LINGO2: variants seen among roughly 807,000 people sequenced by gnomAD.
The protein encoded by LINGO2 is leucine rich repeat and Ig domain containing 2.
Under a neutral mutation model 30.6 loss-of-function variants are expected in LINGO2, and 14 were observed. The ratio of observed to expected loss-of-function variants is 0.46; its 90% CI spans 0.30 to 0.72. The LOEUF (loss-of-function observed/expected upper bound fraction) is 0.72, where lower values mean the gene tolerates loss of function less well. Among genes scored for constraint, LINGO2 ranks in the 30% least tolerant of loss-of-function variants. LINGO2 has a pLI of 0.07. For missense variants in LINGO2, 729 were observed against 751.7 expected (o/e 0.97, Z 0.35); for synonymous variants, 317 against 288.5 (o/e 1.10, Z -1.00).
chr9:28,769,494 ATATATATATATATATATATATATATT>A, the LINGO2 span, among the ~76,000 whole-genome samples: 1 of 16,262 alleles, frequency 6.1e-5, no homozygotes. Flanking sequence ...ATATATATAT[ATATATATATATATATATATATATATT>A]TTTTTTTTTT....
the LINGO2 span, among the ~76,000 whole-genome samples, chr9:29,200,611 C>G: frequency 6.6e-6 from 1 of 152,022 alleles, no homozygotes; most frequent in Admixed American, 6.6e-5. Context: ...ACGTTACACC[C>G]AGTTTTTCCT....
At chr9:28,770,310 G>A in the LINGO2 span, among the ~76,000 whole-genome samples, 1 of 152,138 alleles carries the variant, frequency 6.6e-6, no homozygotes, top group South Asian at 2.1e-4. Flanking sequence ...TGTCTTCCAG[G>A]GAATACCTTT....
chr9:29,179,158 A>AATATATATAT, the LINGO2 span, among the ~76,000 whole-genome samples: 137 of 101,610 alleles, frequency 1.3e-3, 1 homozygote, highest in African/African-American at 1.8e-3. Context: ...TCTTACTGTA[A>AATATATATAT]ATATATATAT....
chr9:28,477,292 T>C (rs911562616), intron 1 of LINGO2, among the ~76,000 whole-genome samples: 18 of 152,134 alleles, frequency 1.2e-4, no homozygotes, highest in African/African-American at 4.3e-4. Context: ...TCTAATTTAA[T>C]ATTTACAAAA....
chr9:29,012,495 C>T, the LINGO2 span, among the ~76,000 whole-genome samples: 1 of 152,154 alleles, frequency 6.6e-6, no homozygotes, highest in Non-Finnish European at 1.5e-5. Flanking sequence ...CATTTAACCT[C>T]TACAGCAGAA....
intron 2 of LINGO2, among the ~76,000 whole-genome samples, chr9:28,448,312 TAAAC>T (rs1459998737): frequency 3.3e-5 from 5 of 152,144 alleles, no homozygotes; most frequent in Admixed American, 6.6e-5. Context: ...TACTAAAAGT[TAAAC>T]AACAGCATAT....
At chr9:28,920,981 G>A in the LINGO2 span, among the ~76,000 whole-genome samples, 1 of 152,040 alleles carries the variant, frequency 6.6e-6, no homozygotes, top group Non-Finnish European at 1.5e-5. Flanking sequence ...AAAAATATAT[G>A]CATTTTTAGG....
rs1305774085 is a variant in LINGO2, at chr9:28,443,122, A to G, written c.-279+32818T>C. Among the ~76,000 whole-genome samples the G allele has an allele frequency of 2.0e-5, 3 of 152,210 alleles. No individual in the cohort carries two copies. In the East Asian group the frequency reaches 5.8e-4, roughly 29 times the overall value. On this transcript the variant is annotated intron_variant, in intron 2 of 5. Coordinates refer to ENST00000379992, the Ensembl canonical transcript of LINGO2. ...GAAGAGGAAAAATGACGTAATAGGA[A>G]AAAGGAAGTTATGCTTTTATACCAA... is the stretch of plus-strand genomic sequence containing the variant.
At chr9:29,099,545 T>A in the LINGO2 span, among the ~76,000 whole-genome samples, 1 of 151,998 alleles carries the variant, frequency 6.6e-6, no homozygotes, top group African/African-American at 2.4e-5. Flanking sequence ...TGAAAAAAAA[T>A]TAATAATCCA....
chr9:29,134,709 T>C, the LINGO2 span, among the ~76,000 whole-genome samples: 1 of 152,130 alleles, frequency 6.6e-6, no homozygotes, highest in Non-Finnish European at 1.5e-5. Flanking sequence ...GCCATTCTCT[T>C]ATTGTATGTT....
chr9:28,166,507 C>T (rs1317891754), intron 4 of LINGO2, among the ~76,000 whole-genome samples: 2 of 152,134 alleles, frequency 1.3e-5, no homozygotes, highest in Non-Finnish European at 2.9e-5. Context: ...CTTGAGAATG[C>T]TTTATGGTAT....
At chr9:28,004,851 C>CT (rs1295053223) in intron 5 of LINGO2, among the ~76,000 whole-genome samples, 2 of 152,108 alleles carry the variant, frequency 1.3e-5, no homozygotes, top group African/African-American at 4.8e-5. Flanking sequence ...CGGCAGGGAT[C>CT]TCTGTTTTGG....
At chr9:28,089,205 T>C (rs1826002635) in intron 4 of LINGO2, among the ~76,000 whole-genome samples, 1 of 151,960 alleles carries the variant, frequency 6.6e-6, no homozygotes, top group Non-Finnish European at 1.5e-5. Flanking sequence ...CAGCTCTGCA[T>C]CAAGTGGACC....
At chr9:27,955,412 T>C (rs1454818819) in intron 5 of LINGO2, among the ~76,000 whole-genome samples, 2 of 152,332 alleles carry the variant, frequency 1.3e-5, no homozygotes, top group East Asian at 3.9e-4. Flanking sequence ...GTAAGCACCA[T>C]CACAATCTGA....
intron 5 of LINGO2, among the ~76,000 whole-genome samples, chr9:27,959,121 G>T (rs1185053967): frequency 6.6e-6 from 1 of 151,992 alleles, no homozygotes; most frequent in Non-Finnish European, 1.5e-5. Context: ...AAAATCTAGA[G>T]GTTATCTGTT....
intron 1 of LINGO2, among the ~76,000 whole-genome samples, chr9:28,642,971 G>T (rs557722338): frequency 1.3e-5 from 2 of 151,818 alleles, no homozygotes; most frequent in East Asian, 3.9e-4. Context: ...AAATACCTAG[G>T]AATTACTGAA....
chr9:28,533,564 A>C (rs1821316768), intron 1 of LINGO2, among the ~76,000 whole-genome samples: 1 of 152,182 alleles, frequency 6.6e-6, no homozygotes, highest in Non-Finnish European at 1.5e-5. Context: ...TGAAGTCAAG[A>C]TTCTCAAACT....
intron 1 of LINGO2, among the ~76,000 whole-genome samples, chr9:28,656,789 A>C (rs1828364781): frequency 6.6e-6 from 1 of 152,130 alleles, no homozygotes; most frequent in African/African-American, 2.4e-5. Flanking sequence ...CCTATCCATT[A>C]GTGTGATTTG....
At chr9:28,942,109 T>C in the LINGO2 span, among the ~76,000 whole-genome samples, 1 of 152,098 alleles carries the variant, frequency 6.6e-6, no homozygotes, top group Non-Finnish European at 1.5e-5. Context: ...ATGAGAACCA[T>C]GTCTTTGTAT....
Sources: gnomAD v4.1 joint callset for allele counts (sites outside exome capture counted in the v4.1 genomes callset) on GRCh38, gnomAD v4.1.1 for gene constraint, MANE v1.5 for transcripts, NCBI Gene and HGNC (gene_info 2026-07-23, HGNC 2026-07-21) for gene names.